CUL1: variants seen among roughly 807,000 people sequenced by gnomAD.
CUL1 encodes the protein cullin-1.
CUL1 carries 24 observed loss-of-function variants against 118.0 expected under a neutral mutation model. That is an observed-to-expected ratio of 0.20 (90% confidence interval 0.15 to 0.29). CUL1 has a LOEUF of 0.29. CUL1 is among the 10% of genes least tolerant of loss of function. CUL1 has a pLI of 1.00. For missense variants in CUL1, 361 were observed against 933.8 expected, an observed-to-expected ratio of 0.39 and a Z score of 7.99; for synonymous variants, 332 against 340.4, an observed-to-expected ratio of 0.98 and a Z score of 0.27.
chr7:148,795,825 A>G (rs929503973), intron 17 of CUL1, among the ~76,000 whole-genome samples: 10 of 151,444 alleles, frequency 6.6e-5, no homozygotes, highest in African/African-American at 2.2e-4. Context: ...TCTGTTTCCT[A>G]TAACATTGCT....
intron 2 of CUL1, among the ~76,000 whole-genome samples, chr7:148,748,554 A>T (rs1353900234): frequency 2.0e-5 from 3 of 152,222 alleles, no homozygotes; most frequent in African/African-American, 7.2e-5. Flanking sequence ...AGATAAATTG[A>T]TAAAACCATT....
intron 1 of CUL1, among the ~76,000 whole-genome samples, chr7:148,721,463 T>A (rs28621873): frequency 1.3e-5 from 2 of 152,154 alleles, no homozygotes; most frequent in African/African-American, 4.8e-5. Context: ...GCTTTTTTTT[T>A]TCTCTGCAAA....
intron 2 of CUL1, among the ~76,000 whole-genome samples, chr7:148,752,368 G>T (rs1168231616): frequency 6.6e-6 from 1 of 150,492 alleles, no homozygotes; most frequent in East Asian, 1.9e-4. Flanking sequence ...TCAAAACTGG[G>T]TCATGAGTAT....
At chr7:148,698,374 G>C (rs1268469528), upstream of CUL1, 1 of 152,352 alleles carries the variant, frequency 6.6e-6, no homozygotes. Context: ...GAGGCTGGTG[G>C]TGTCCCCGAC....
intron 2 of CUL1, among the ~76,000 whole-genome samples, chr7:148,742,742 C>T (rs1258453124): frequency 6.6e-6 from 1 of 151,852 alleles, no homozygotes; most frequent in African/African-American, 2.4e-5. Context: ...GCTGGAATTA[C>T]AGACATGCAC....
chr7:148,770,258 T>A lies in CUL1; in HGVS notation c.1083+2509T>A, dbSNP rs1039146756. ...GAGAAATCAAGCTTTTAAACAATGC[T>A]TGTGTTACTTAAATCTAAGCCACTG... On this transcript the variant is annotated intron_variant, in intron 9 of 21. Coordinates refer to ENST00000325222, the MANE Select transcript of CUL1 (RefSeq NM_003592.3). Among the ~76,000 whole-genome samples, 11 of 152,258 alleles carry A rather than the reference T, an allele frequency of 7.2e-5. 1 individual carries two copies. The highest frequency in any genetic ancestry group is 7.2e-4 in the Admixed American group (11 of 15,282).
rs1048997630 is a variant in CUL1, at chr7:148,740,826, A to G, written c.140+10564A>G. 5.3e-5 allele frequency among the ~76,000 whole-genome samples: 8 copies of G among 152,224 alleles called. No homozygotes were observed. The South Asian group carries it at 1.7e-3, about 31-fold the overall frequency. On this transcript the variant is annotated intron_variant, in intron 2 of 21. Coordinates refer to ENST00000325222, the MANE Select transcript of CUL1 (RefSeq NM_003592.3). ...TCTCCACATACACAGAGGAAAGGCC[A>G]TGTGAGGACACAGTGAGAAGGTGGC...
intron 7 of CUL1, among the ~76,000 whole-genome samples, chr7:148,765,043 T>C (rs1799961295): frequency 6.6e-6 from 1 of 152,242 alleles, no homozygotes. Context: ...CTTTTCTTCC[T>C]TGTGTTTTTA....
intron 16 of CUL1, 66 bp from the exon 17 acceptor site, chr7:148,792,660 A>G: frequency 9.2e-7 from 1 of 1,084,462 alleles, no homozygotes. Flanking sequence ...TGGGCTGTAT[A>G]TTTTGGGAGG....
At chr7:148,719,705 T>C (rs1283487603) in intron 1 of CUL1, among the ~76,000 whole-genome samples, 1 of 152,212 alleles carries the variant, frequency 6.6e-6, no homozygotes, top group Admixed American at 6.5e-5. Context: ...TTAACTAGCT[T>C]TGGACATGTA....
At chr7:148,746,233 C>T (rs1450478266) in intron 2 of CUL1, among the ~76,000 whole-genome samples, 1 of 152,158 alleles carries the variant, frequency 6.6e-6, no homozygotes, top group Non-Finnish European at 1.5e-5. Flanking sequence ...TTTAAAACCC[C>T]TAGCCCTGCT....
chr7:148,706,633 A>C (rs73465476), intron 1 of CUL1, among the ~76,000 whole-genome samples: 5 of 125,836 alleles, frequency 4.0e-5, no homozygotes, highest in Non-Finnish European at 7.9e-5. Context: ...TACATGTTCT[A>C]TATATAGGGG....
At chr7:148,766,242 C>T (rs944480801) in intron 7 of CUL1, among the ~76,000 whole-genome samples, 1 of 152,112 alleles carries the variant, frequency 6.6e-6, no homozygotes, top group Non-Finnish European at 1.5e-5. Context: ...GCCATCCTCC[C>T]GCCTCAGCCT....
intron 1 of CUL1, among the ~76,000 whole-genome samples, chr7:148,702,096 A>G (rs1797736903): frequency 6.6e-6 from 1 of 152,206 alleles, no homozygotes. Context: ...TGAAAAATAG[A>G]TCCTATTTGG....
At chr7:148,743,363 A>G (rs1255347069) in intron 2 of CUL1, among the ~76,000 whole-genome samples, 1 of 152,180 alleles carries the variant, frequency 6.6e-6, no homozygotes, top group East Asian at 1.9e-4. Context: ...TGCATCTGCC[A>G]TGGTGGGAAC....
At chr7:148,799,907 T>C (rs1584829257) in intron 21 of CUL1, among the ~76,000 whole-genome samples, 1 of 152,216 alleles carries the variant, frequency 6.6e-6, no homozygotes. Flanking sequence ...TTCCTTTATG[T>C]AGCCTACTGA....
In CUL1 at chr7:148,800,284, C is replaced by G. The variant is rs190877516; in HGVS notation, c.2251-218C>G. Reference sequence around the variant, plus strand: ...TCCTAGGGCGGGTGCAGGAGGGACTCGGAGTCACCCTCAGCAAGTGTCAGG... The same window carrying G: ...TCCTAGGGCGGGTGCAGGAGGGACTGGGAGTCACCCTCAGCAAGTGTCAGG... On this transcript the variant is annotated intron_variant, in intron 21 of 21. Transcript: ENST00000325222. The surrounding 1 kb of genome is among the most constrained non-coding windows in gnomAD (Gnocchi z 4.6). 1.6e-4 allele frequency among the ~76,000 whole-genome samples: 24 copies of G among 152,190 alleles called. No homozygotes were observed. The highest frequency in any genetic ancestry group is 6.8e-3 in the Middle Eastern group (2 of 294).
At chr7:148,698,632 C>G (rs915827634), upstream of CUL1, 3 of 151,868 alleles carry the variant, frequency 2.0e-5, no homozygotes, top group African/African-American at 7.2e-5. Context: ...AGGGAGCTTT[C>G]CGGGCCCCTC....
At chr7:148,786,731 C>T in intron 12 of CUL1, 132 bp downstream of exon 12, 4 of 869,946 alleles carry the variant, frequency 4.6e-6, no homozygotes, top group South Asian at 1.7e-5. Flanking sequence ...TCTGGTTTTA[C>T]TTCCTAAATT....
Sources: allele counts gnomAD v4.1 joint callset (sites outside exome capture counted in the v4.1 genomes callset), GRCh38; gene constraint gnomAD v4.1.1; non-coding constraint Gnocchi (gnomAD v3.1); transcripts MANE v1.5; gene names NCBI Gene and HGNC (gene_info 2026-07-23, HGNC 2026-07-21).